SNX8: variants seen among roughly 807,000 people sequenced by gnomAD.
SNX8 encodes sorting nexin-8.
A neutral mutation model predicts 51.6 loss-of-function variants in SNX8; 25 were observed. That is an observed-to-expected ratio of 0.48 (90% CI 0.35 to 0.68). The LOEUF (loss-of-function observed/expected upper bound fraction) is 0.68. SNX8 is among the 30% of genes least tolerant of loss of function. The pLI, the probability that SNX8 is intolerant of heterozygous loss-of-function variation, is 0.00. For synonymous variants in SNX8, 324 were observed against 277.0 expected (o/e 1.17, Z -1.68); for missense variants, 695 against 624.0 (o/e 1.11, Z -1.21).
At chr7:2,346,896 G>T (rs1482320345) in intron 1 of SNX8, among the ~76,000 whole-genome samples, 1 of 147,552 alleles carries the variant, frequency 6.8e-6, no homozygotes, top group Admixed American at 6.8e-5. Flanking sequence ...CGCCAGCCTG[G>T]GCGACAGAGA....
At chr7:2,289,955 G>A (rs1360182279) in intron 1 of SNX8, among the ~76,000 whole-genome samples, 2 of 152,162 alleles carry the variant, frequency 1.3e-5, no homozygotes, top group African/African-American at 4.8e-5. Context: ...CACTTTGGGA[G>A]GCTGAGGCGG....
At chr7:2,302,973 C>T (rs918862866) in intron 1 of SNX8, among the ~76,000 whole-genome samples, 1 of 151,580 alleles carries the variant, frequency 6.6e-6, no homozygotes, top group Non-Finnish European at 1.5e-5. Flanking sequence ...AAGTGAGGAG[C>T]GTCTCCGCCC....
intron 2 of SNX8, among the ~76,000 whole-genome samples, chr7:2,277,714 G>T (rs187555418): frequency 6.6e-6 from 1 of 152,080 alleles, no homozygotes; most frequent in African/African-American, 2.4e-5. Flanking sequence ...GGCTGAGGCA[G>T]GAGAATCGCT....
rs373612435 is a variant in SNX8, at chr7:2,261,745, CG to C, written c.915+1484del. 8.4e-3 allele frequency among the ~76,000 whole-genome samples: 1,280 copies of C among 152,314 alleles called. 17 individuals are homozygous for C. The highest frequency in any genetic ancestry group is 0.038 in the South Asian group (182 of 4,826). ...TAAAGGGAACACAGAAGCACGGGGG[CG>C]GAAGAGGAAGAAAACCCAAGACTTT... On this transcript the variant is annotated intron_variant, in intron 7 of 10. Coordinates refer to ENST00000222990, the MANE Select transcript of SNX8 (RefSeq NM_013321.4).
At chr7:2,273,541 G>T (rs957203772) in intron 3 of SNX8, among the ~76,000 whole-genome samples, 7 of 149,902 alleles carry the variant, frequency 4.7e-5, no homozygotes, top group African/African-American at 1.7e-4. Context: ...AGCCGAGACC[G>T]CACCACTGCA....
At chr7:2,354,332 G>A (rs547359016), upstream of SNX8, 2 of 152,214 alleles carry the variant, frequency 1.3e-5, no homozygotes, top group Non-Finnish European at 2.9e-5. Context: ...CAGTCAGTAG[G>A]CGAGTCCAAG....
At chr7:2,304,788 A>T (rs1796509996) in intron 1 of SNX8, among the ~76,000 whole-genome samples, 2 of 152,258 alleles carry the variant, frequency 1.3e-5, no homozygotes, top group African/African-American at 2.4e-5. Context: ...GACTCTGAAG[A>T]GCTGAAAATG....
intron 1 of SNX8, among the ~76,000 whole-genome samples, chr7:2,322,552 G>A (rs184651083): frequency 3.3e-5 from 5 of 152,134 alleles, no homozygotes; most frequent in Admixed American, 2.0e-4. Context: ...AAATTAACTT[G>A]GTGTGGTGGC....
chr7:2,333,432 C>T (rs1454348328), intron 1 of SNX8, among the ~76,000 whole-genome samples: 1 of 151,244 alleles, frequency 6.6e-6, no homozygotes, highest in Non-Finnish European at 1.5e-5. Flanking sequence ...TGGTGGTGTG[C>T]GCGCCTGTAG....
At chr7:2,304,345 C>G (rs369869786) in intron 1 of SNX8, among the ~76,000 whole-genome samples, 40 of 151,208 alleles carry the variant, frequency 2.6e-4, no homozygotes, top group East Asian at 2.6e-3. Context: ...GAGATAGAGA[C>G]CATCCTGGCT....
rs1362216539 is a variant in SNX8, at chr7:2,257,376, G to A, written c.1123C>T (p.Arg375Cys). ...EPESVEQLES[R>C]IVEQENAIQT... ...GCCCCGCCACCCACCTCCACAATGC[G>A]GGACTCCAGCTGCTCCACGGACTCC... Residue 375 changes from arginine (R) to cysteine (C), a missense_variant, in exon 9 of 11, where the codon CGC becomes TGC. Physicochemically the swap from Arg to Cys is radical, Grantham distance 180 (BLOSUM62 -3). Coordinates refer to ENST00000222990, the MANE Select transcript of SNX8 (RefSeq NM_013321.4). The A allele has an allele frequency of 1.2e-6, 2 of 1,607,714 alleles. No individual in the cohort carries two copies. Among genetic ancestry groups the A allele is most frequent in the Non-Finnish European group, 1.7e-6 (2 of 1,179,464 alleles).
intron 5 of SNX8, among the ~76,000 whole-genome samples, chr7:2,266,829 G>C (rs1226092773): frequency 6.6e-6 from 1 of 151,994 alleles, no homozygotes; most frequent in Admixed American, 6.6e-5. Flanking sequence ...CTGAAGAAGA[G>C]GTTTAAAAAG....
chr7:2,276,500 G>T (rs756465593), intron 2 of SNX8, among the ~76,000 whole-genome samples: 16 of 152,224 alleles, frequency 1.1e-4, no homozygotes, highest in Non-Finnish European at 1.8e-4. Flanking sequence ...AGGGAGGGGA[G>T]ACCGGCTCGC....
intron 1 of SNX8, among the ~76,000 whole-genome samples, chr7:2,345,961 C>T (rs879737187): frequency 1.8e-4 from 27 of 151,910 alleles, no homozygotes; most frequent in Non-Finnish European, 7.4e-5. Flanking sequence ...GCACCCACCA[C>T]CACTCCCAGC....
intron 1 of SNX8, among the ~76,000 whole-genome samples, chr7:2,351,916 T>G (rs1326069955): frequency 6.8e-6 from 1 of 146,806 alleles, no homozygotes; most frequent in African/African-American, 2.5e-5. Context: ...TTTTTTTTTT[T>G]TTTTTTTTTT....
intron 1 of SNX8, among the ~76,000 whole-genome samples, chr7:2,344,479 G>T (rs528730314): frequency 6.6e-6 from 1 of 150,872 alleles, no homozygotes; most frequent in Admixed American, 6.6e-5. Flanking sequence ...GGGCGTGGTG[G>T]TGGGTGCCTG....
At chr7:2,341,218 AAAAT>A (rs1452417341) in intron 1 of SNX8, among the ~76,000 whole-genome samples, 1 of 151,862 alleles carries the variant, frequency 6.6e-6, no homozygotes, top group Non-Finnish European at 1.5e-5. Context: ...AAGAAAAAAG[AAAAT>A]AAATAAAATT....
chr7:2,325,541 T>C (rs1186049896), intron 1 of SNX8, among the ~76,000 whole-genome samples: 1 of 152,018 alleles, frequency 6.6e-6, no homozygotes, highest in Non-Finnish European at 1.5e-5. Context: ...TAATGAGGAA[T>C]ATCAGGCCAG....
rs896680385 is a variant in SNX8, at chr7:2,324,881, C to T, written c.-66+29341G>A. On this transcript the variant is annotated intron_variant, in intron 1 of 5. Transcript: ENST00000435336. ...AGTGCAGTGGTAGGATCATGGCTCA[C>T]TGCAGCCTCCGTCTCCTGGGTACAA... Among the ~76,000 whole-genome samples, 8 of 151,870 alleles carry T rather than the reference C, an allele frequency of 5.3e-5. No homozygotes were observed. The East Asian group carries it at 7.7e-4, about 15-fold the overall frequency.
Sources: allele counts gnomAD v4.1 joint callset (sites outside exome capture counted in the v4.1 genomes callset), GRCh38; gene constraint gnomAD v4.1.1; transcripts MANE v1.5; gene names NCBI Gene and HGNC (gene_info 2026-07-23, HGNC 2026-07-21).